VPS35L: variants seen among roughly 807,000 people sequenced by gnomAD.
VPS35L encodes VPS35 endosomal protein sorting factor like, also known as VPS35 endosomal protein-sorting factor-like.
Under a neutral mutation model 133.0 loss-of-function variants are expected in VPS35L, and 83 were observed. The ratio of observed to expected loss-of-function variants is 0.62; its 90% CI spans 0.52 to 0.75. The LOEUF is 0.75. VPS35L is among the 30% of genes least tolerant of loss of function. The pLI is 0.00. For missense variants in VPS35L, 1,083 were observed against 1,206.8 expected, an observed-to-expected ratio of 0.90 and a Z score of 1.52; for synonymous variants, 423 against 449.9, an observed-to-expected ratio of 0.94 and a Z score of 0.76.
chr16:19,662,314 G>A (rs1974512395), intron 26 of VPS35L, among the ~76,000 whole-genome samples: 2 of 152,076 alleles, frequency 1.3e-5, no homozygotes, highest in South Asian at 4.2e-4. Context: ...AGACCTGCCT[G>A]GCCAACATGG....
chr16:19,558,976 G>GGTT (rs1567378447), intron 1 of VPS35L, among the ~76,000 whole-genome samples: 2 of 150,580 alleles, frequency 1.3e-5, no homozygotes, highest in African/African-American at 4.9e-5. Flanking sequence ...CATTTTAAGA[G>GGTT]TTTTTTTTAT....
intron 9 of VPS35L, among the ~76,000 whole-genome samples, chr16:19,607,571 G>A (rs932842360): frequency 2.0e-5 from 3 of 152,212 alleles, no homozygotes; most frequent in African/African-American, 7.2e-5. Context: ...TGACTCTCTT[G>A]GAGCCAGTCG....
At chr16:19,610,065 GA>G (rs1181339120) in intron 11 of VPS35L, among the ~76,000 whole-genome samples, 3 of 152,142 alleles carry the variant, frequency 2.0e-5, no homozygotes, top group African/African-American at 7.2e-5. Context: ...CTCGACTGGG[GA>G]AAAAATGTGG....
intron 9 of VPS35L, among the ~76,000 whole-genome samples, chr16:19,604,349 A>G (rs1445756269): frequency 6.6e-6 from 1 of 152,212 alleles, no homozygotes; most frequent in Non-Finnish European, 1.5e-5. Context: ...AAAAATTACT[A>G]ATAACTAACT....
At chr16:19,648,052 C>T (rs1974007906) in intron 24 of VPS35L, among the ~76,000 whole-genome samples, 170 bp downstream of exon 24, 2 of 152,108 alleles carry the variant, frequency 1.3e-5, no homozygotes, top group Admixed American at 1.3e-4. Context: ...CTCCTGGGCT[C>T]AAGCAATTCT....
At chr16:19,558,285 T>A (rs1012649603) in intron 1 of VPS35L, among the ~76,000 whole-genome samples, 2 of 152,236 alleles carry the variant, frequency 1.3e-5, no homozygotes, top group African/African-American at 4.8e-5. Context: ...ATCATTAGGT[T>A]CTTATAACAA....
chr16:19,671,198 C>T (rs1022417526), intron 27 of VPS35L, among the ~76,000 whole-genome samples: 2 of 152,102 alleles, frequency 1.3e-5, no homozygotes, highest in Non-Finnish European at 2.9e-5. Context: ...GACTGGGCAC[C>T]GTGGCTCATG....
At chr16:19,599,595 G>A (rs114207979) in intron 8 of VPS35L, among the ~76,000 whole-genome samples, 4,748 of 151,562 alleles carry the variant, frequency 0.031, 253 homozygotes, top group African/African-American at 0.11. Context: ...GGAGTGCAGC[G>A]GCACAATCAT....
Position 19,627,749 on chromosome 16 carries a change from A to G in VPS35L, c.1327A>G (p.Arg443Gly), listed in dbSNP as rs1402916739. 26 of 1,614,004 alleles carry G rather than the reference A, an allele frequency of 1.6e-5. No homozygotes were observed. Among genetic ancestry groups the G allele is most frequent in the East Asian group, 2.2e-5 (1 of 44,898 alleles). ...CTTCCGGGCTGAGTTCATCGCCACAAGGTCTATGGATTTCATTGGCATGAT... is the reference window on the plus strand; with the variant it reads ...CTTCCGGGCTGAGTTCATCGCCACAGGGTCTATGGATTTCATTGGCATGAT... Reference protein sequence around the residue: ...SAFRAEFIATRSMDFIGMIKE... With the variant: ...SAFRAEFIATGSMDFIGMIKE... The change falls in exon 16 of 31, where the codon AGG (arginine) becomes GGG (glycine). Residue 443 changes from arginine to glycine, a missense_variant. Coordinates refer to ENST00000417362, the MANE Select transcript of VPS35L (RefSeq NM_020314.7).
chr16:19,636,936 T>C (rs1407390628), intron 19 of VPS35L, among the ~76,000 whole-genome samples: 6 of 152,174 alleles, frequency 3.9e-5, no homozygotes, highest in Admixed American at 2.6e-4. Flanking sequence ...CCTTTAACTC[T>C]ACCAGCACAC....
At chr16:19,689,539 TCA>T (rs1371455287) in intron 28 of VPS35L, among the ~76,000 whole-genome samples, 1 of 152,114 alleles carries the variant, frequency 6.6e-6, no homozygotes, top group Non-Finnish European at 1.5e-5. Context: ...CTCACAATGC[TCA>T]GATTCTAGGT....
Position 19,691,460 on chromosome 16 carries a change from G to T in VPS35L, c.2635G>T (p.Ala879Ser). 6.2e-7 allele frequency: 1 copy of T among 1,613,646 alleles called. No homozygotes were observed. The highest frequency in any genetic ancestry group is 8.5e-7 in the Non-Finnish European group (1 of 1,179,628). The change falls in exon 29 of 31, where the codon GCC becomes TCC. Residue 879 changes from alanine to serine, a missense_variant. Physicochemically the swap from Ala to Ser is moderately conservative, Grantham distance 99. Transcript: ENST00000417362. ...AQILEHLKTLAKDEALKRQSS... is the reference protein window; with the variant it reads ...AQILEHLKTLSKDEALKRQSS... ...GATCCTAGAGCATCTGAAAACCCTG[G>T]CCAAGGACGAGGTGGGTGCCCTCTG...
intron 14 of VPS35L, among the ~76,000 whole-genome samples, chr16:19,622,870 AC>A (rs1462054688): frequency 6.6e-6 from 1 of 152,156 alleles, no homozygotes; most frequent in Non-Finnish European, 1.5e-5. Flanking sequence ...CAAGGAACAA[AC>A]ATCTAACTAG....
At chr16:19,610,892 G>A (rs111753501) in intron 12 of VPS35L, among the ~76,000 whole-genome samples, 2,884 of 152,224 alleles carry the variant, frequency 0.019, 100 homozygotes, top group African/African-American at 0.063. Flanking sequence ...GGGGTAGAGG[G>A]ACTGATTAGA....
chr16:19,607,538 A>C (rs1284889922), intron 9 of VPS35L, among the ~76,000 whole-genome samples: 2 of 152,236 alleles, frequency 1.3e-5, no homozygotes, highest in African/African-American at 4.8e-5. Context: ...TAGCTAATGG[A>C]GTAAACTGGC....
chr16:19,666,469 C>T (rs954841212), intron 26 of VPS35L, among the ~76,000 whole-genome samples: 5 of 152,154 alleles, frequency 3.3e-5, no homozygotes, highest in East Asian at 1.9e-4. Context: ...ATTGAGAAGT[C>T]TCCAGACAAT....
intron 2 of VPS35L, among the ~76,000 whole-genome samples, chr16:19,568,875 G>C (rs1971272743): frequency 6.6e-6 from 1 of 152,022 alleles, no homozygotes; most frequent in South Asian, 2.1e-4. Context: ...CAAACTCCTG[G>C]CTTCAAGTGA....
At position 19,699,748 on chromosome 16, in the gene VPS35L, A is replaced by G. The variant is rs1976049086; in HGVS notation, c.2793+100A>G. ...CTGGACATCAGACAGACAACCCCAT[A>G]CTCCCCTTTTAGAAAAGCACTTGGT... On this transcript the variant is annotated intron_variant, in intron 30 of 30. Transcript: ENST00000417362. This position sits in a 1 kb window ranked among gnomAD's most constrained non-coding sequence, Gnocchi z 4.2. 1 of 1,468,112 alleles carries G rather than the reference A, an allele frequency of 6.8e-7. No individual in the cohort carries two copies. Among genetic ancestry groups the G allele is most frequent in the Non-Finnish European group, 9.3e-7 (1 of 1,075,344 alleles). 90.9% of individuals were successfully genotyped at this position (1,468,112 alleles called of 1,614,324 possible).
Position 19,580,030 on chromosome 16 carries a change from T to A in VPS35L, c.510+902T>A, listed in dbSNP as rs1450832040. Among the ~76,000 whole-genome samples, 3 of 149,584 alleles carry A rather than the reference T, an allele frequency of 2.0e-5. No individual in the cohort carries two copies. In the East Asian group the frequency reaches 6.2e-4, roughly 31 times the overall value. Reference sequence around the variant, plus strand: ...GCCTGGCCAACATGGTGAAACCCCGTCTCTACTAAAAATACAAAAATTAGC... The same window carrying A: ...GCCTGGCCAACATGGTGAAACCCCGACTCTACTAAAAATACAAAAATTAGC... On this transcript the variant is annotated intron_variant, in intron 6 of 30. Coordinates refer to ENST00000417362, the MANE Select transcript of VPS35L (RefSeq NM_020314.7).
Sources: allele counts gnomAD v4.1 joint callset (sites outside exome capture counted in the v4.1 genomes callset), GRCh38; gene constraint gnomAD v4.1.1; non-coding constraint Gnocchi (gnomAD v3.1); transcripts MANE v1.5; gene names NCBI Gene and HGNC (gene_info 2026-07-23, HGNC 2026-07-21).